SLC67A1: variants seen among roughly 807,000 people sequenced by gnomAD.
SLC67A1 encodes the protein solute carrier family 67 member 1, also known as solute carrier family 67 member A1.
At chr11:2,909,366 G>C in the SLC67A1 span, 1 of 1,363,998 alleles carries the variant, frequency 7.3e-7, no homozygotes, top group Non-Finnish European at 9.4e-7. Flanking sequence ...GGTAGGGCCG[G>C]GGGGACTGGA....
At chr11:2,909,359 A>G in the SLC67A1 span, 1 of 1,374,650 alleles carries the variant, frequency 7.3e-7, no homozygotes, top group Admixed American at 2.9e-5. Flanking sequence ...GCTGCCAGGT[A>G]GGGCCGGGGG....
the SLC67A1 span, among the ~76,000 whole-genome samples, chr11:2,913,169 G>T: frequency 7.9e-5 from 12 of 152,182 alleles, no homozygotes; most frequent in Non-Finnish European, 1.5e-5. Context: ...GGAGCAGCAG[G>T]ATATGGGCGA....
the SLC67A1 span, chr11:2,909,111 TCAGCCCCGCCTGGG>T: frequency 8.3e-3 from 10,975 of 1,327,102 alleles, 51 homozygotes; most frequent in Non-Finnish European, 0.01. Flanking sequence ...GCCTCCCTGG[TCAGCCCCGCCTGGG>T]CAGCCCCTGG....
the SLC67A1 span, among the ~76,000 whole-genome samples, chr11:2,901,654 T>C: frequency 6.6e-6 from 1 of 152,176 alleles, no homozygotes; most frequent in Middle Eastern, 3.2e-3. Flanking sequence ...TGTGCTGGCA[T>C]CTCTGGTGGC....
the SLC67A1 span, chr11:2,918,848 C>G: frequency 1.2e-5 from 2 of 160,884 alleles, no homozygotes; most frequent in Non-Finnish European, 2.7e-5. Flanking sequence ...CAGGCATGGG[C>G]CACCACGCTC....
the SLC67A1 span, among the ~76,000 whole-genome samples, chr11:2,902,878 G>A: frequency 1.3e-5 from 2 of 152,200 alleles, no homozygotes; most frequent in East Asian, 1.9e-4. Context: ...GTGGGCCTAC[G>A]GAGGGCCTCC....
the SLC67A1 span, chr11:2,922,158 G>T: frequency 1.9e-6 from 3 of 1,613,666 alleles, no homozygotes; most frequent in Non-Finnish European, 2.5e-6. Context: ...AGGAGGTGCT[G>T]CTCCGGGCCA....
chr11:2,909,063 C>T, the SLC67A1 span: 1 of 812,134 alleles, frequency 1.2e-6, no homozygotes, highest in Non-Finnish European at 1.8e-6. Context: ...CAGCAGCCGC[C>T]CAGGCGCCCC....
chr11:2,906,078 T>G, the SLC67A1 span, among the ~76,000 whole-genome samples: 2 of 152,184 alleles, frequency 1.3e-5, no homozygotes, highest in African/African-American at 4.8e-5. Context: ...CAGACACTTC[T>G]CAAAAGAAGA....
the SLC67A1 span, chr11:2,919,270 TG>T: frequency 6.8e-7 from 1 of 1,479,580 alleles, no homozygotes; most frequent in Non-Finnish European, 9.4e-7. Flanking sequence ...GGTCGGGGTG[TG>T]GGGGTACTCA....
At chr11:2,923,021 C>T in the SLC67A1 span, among the ~76,000 whole-genome samples, 1 of 152,204 alleles carries the variant, frequency 6.6e-6, no homozygotes. The surrounding 1 kb of genome is among the most constrained non-coding windows in gnomAD (Gnocchi z 6.5). Context: ...GCAGGGGACA[C>T]AGGTCCCCTA....
At chr11:2,913,274 C>A in the SLC67A1 span, among the ~76,000 whole-genome samples, 8 of 152,152 alleles carry the variant, frequency 5.3e-5, no homozygotes, top group Non-Finnish European at 8.8e-5. Context: ...TTCTGTTCTT[C>A]CCACAGTGGG....
the SLC67A1 span, chr11:2,922,042 T>G: frequency 3.8e-6 from 5 of 1,303,894 alleles, no homozygotes; most frequent in African/African-American, 7.2e-5. Context: ...CTGGCCACAG[T>G]CCAGACGCCC....
chr11:2,902,123 G>A, the SLC67A1 span: 1 of 152,104 alleles, frequency 6.6e-6, no homozygotes, highest in African/African-American at 2.4e-5. Context: ...GCAGGGGCGG[G>A]TCCTTCGAGG....
the SLC67A1 span, chr11:2,902,863 C>A: frequency 1.8e-6 from 1 of 542,542 alleles, no homozygotes; most frequent in Non-Finnish European, 2.4e-6. Context: ...GGGGACAGGG[C>A]CACTGTGGGC....
At chr11:2,922,213 C>G in the SLC67A1 span, 1 of 1,609,622 alleles carries the variant, frequency 6.2e-7, no homozygotes, top group South Asian at 1.1e-5. Context: ...GGTGAGGGCT[C>G]CCCGCTTTGG....
At chr11:2,899,760 A>G in the SLC67A1 span, 1 of 1,432,190 alleles carries the variant, frequency 7.0e-7, no homozygotes, top group Non-Finnish European at 9.1e-7. Context: ...CTGCTCAACC[A>G]GTTCCCTGGC....
the SLC67A1 span, chr11:2,922,619 A>T: frequency 2.3e-6 from 2 of 879,904 alleles, no homozygotes; most frequent in Non-Finnish European, 2.9e-6. Flanking sequence ...CCCGGTGGGG[A>T]TGGGGTGGGC....
chr11:2,924,887 G>A, the SLC67A1 span: 33 of 808,810 alleles, frequency 4.1e-5, no homozygotes, highest in South Asian at 5.0e-4. This position sits in a 1 kb window ranked among gnomAD's most constrained non-coding sequence, Gnocchi z 8.6. Flanking sequence ...ACTATGCAAG[G>A]TGCGGACTGC....
Sources: gnomAD v4.1 joint callset for allele counts (sites outside exome capture counted in the v4.1 genomes callset) on GRCh38, gnomAD v4.1.1 for gene constraint, Gnocchi (gnomAD v3.1) non-coding constraint, MANE v1.5 for transcripts, NCBI Gene and HGNC (gene_info 2026-07-23, HGNC 2026-07-21) for gene names.